The following MCPH1 variants were observed in gnomAD, a reference collection of about 807,000 sequenced individuals.
MCPH1 encodes microcephalin 1, also known as microcephalin.
A neutral mutation model predicts 84.5 loss-of-function variants in MCPH1; 104 were observed. The observed-to-expected ratio is 1.23, with a 90% CI of 1.05 to 1.45. The LOEUF (loss-of-function observed/expected upper bound fraction) is 1.45, where lower values mean the gene tolerates loss of function less well. Among genes scored for constraint, MCPH1 ranks in the 40% most tolerant of loss-of-function variants. The pLI, the probability that MCPH1 is intolerant of heterozygous loss-of-function variation, is 0.00. For missense variants in MCPH1, 1,498 were observed against 1,005.7 expected (o/e 1.49, Z -6.62); for synonymous variants, 514 against 366.8 (o/e 1.40, Z -4.58).
At chr8:6,568,141 C>T (rs1826355363) in intron 12 of MCPH1, among the ~76,000 whole-genome samples, 1 of 152,192 alleles carries the variant, frequency 6.6e-6, no homozygotes, top group South Asian at 2.1e-4. Flanking sequence ...ATCTCGTGGC[C>T]AGCCCTTTTG....
At chr8:6,549,693 C>A (rs1823273230) in intron 12 of MCPH1, among the ~76,000 whole-genome samples, 1 of 150,376 alleles carries the variant, frequency 6.6e-6, no homozygotes, top group African/African-American at 2.5e-5. Flanking sequence ...CCGTATCGAG[C>A]TGGGCGGTCA....
chr8:6,619,521 C>T (rs1024553577), intron 12 of MCPH1, among the ~76,000 whole-genome samples: 1 of 152,034 alleles, frequency 6.6e-6, no homozygotes, highest in Non-Finnish European at 1.5e-5. Flanking sequence ...GAACTCCTGA[C>T]CTCAAGTGAT....
intron 12 of MCPH1, among the ~76,000 whole-genome samples, chr8:6,611,889 A>G (rs1344706868): frequency 6.6e-6 from 1 of 152,174 alleles, no homozygotes; most frequent in African/African-American, 2.4e-5. Context: ...AAGTGCTGGG[A>G]TTACAGGCGT....
At chr8:6,413,399 T>C (rs2247108) in intron 2 of MCPH1, among the ~76,000 whole-genome samples, 146,697 of 150,490 alleles carry the variant, frequency 0.97, 71,617 homozygotes, top group East Asian at 1. Context: ...GTTCTTGTGC[T>C]GGGCCTTTGT....
chr8:6,640,097 T>TGTGTGTGC lies in MCPH1; in HGVS notation c.2453-2896_2453-2895insTGTGTGCG, dbSNP rs1242280817. Among the ~76,000 whole-genome samples, 331 of 131,454 alleles carry TGTGTGTGC rather than the reference T, an allele frequency of 2.5e-3. 8 individuals carry two copies. In the East Asian group the frequency reaches 0.037, roughly 15 times the overall value. 86.2% of individuals were successfully genotyped at this position (131,454 alleles called of 152,430 possible). On this transcript the variant is annotated intron_variant, in intron 13 of 13. Transcript: ENST00000344683. Reference sequence around the variant, plus strand: ...GTGTGTGTGTGTGTGTGTGTGTGTGTGCGCGCGCGTGTGTGTGTGTGTGCG... The same window carrying TGTGTGTGC: ...GTGTGTGTGTGTGTGTGTGTGTGTGTGTGTGTGCGCGCGCGCGTGTGTGTGTGTGTGCG...
At chr8:6,640,097 TGCGCGCGC>T (rs59378325) in intron 13 of MCPH1, among the ~76,000 whole-genome samples, 4 of 131,406 alleles carry the variant, frequency 3.0e-5, no homozygotes, top group Admixed American at 7.6e-5. Flanking sequence ...TGTGTGTGTG[TGCGCGCGC>T]GTGTGTGTGT....
chr8:6,446,959 G>A (rs1434269250), intron 8 of MCPH1: 9 of 985,272 alleles, frequency 9.1e-6, no homozygotes, highest in Non-Finnish European at 1.1e-5. Context: ...AAGGCACCCT[G>A]GTGGGGACGG....
chr8:6,442,699 C>G (rs1046690700), intron 7 of MCPH1, among the ~76,000 whole-genome samples: 1 of 152,200 alleles, frequency 6.6e-6, no homozygotes, highest in African/African-American at 2.4e-5. Flanking sequence ...TTTTCATGGT[C>G]ATATCTTCTT....
chr8:6,614,376 C>T (rs1320797168), intron 12 of MCPH1, among the ~76,000 whole-genome samples: 7 of 152,152 alleles, frequency 4.6e-5, no homozygotes, highest in South Asian at 2.1e-4. Context: ...GCCAGGCTGG[C>T]GCCTCCTCCC....
chr8:6,642,897 G>C (rs1798026443), intron 13 of MCPH1, 97 bp from the exon 14 acceptor site: 1 of 1,159,684 alleles, frequency 8.6e-7, no homozygotes, highest in Non-Finnish European at 1.3e-6. Flanking sequence ...TTGGCTATTT[G>C]TTTTTAAATA....
intron 13 of MCPH1, chr8:6,626,751 G>A (rs1279319038): frequency 1.0e-6 from 1 of 985,184 alleles, no homozygotes. Context: ...ACAAGCCCTT[G>A]GGTGGAGCTC....
chr8:6,601,685 A>G (rs1419537841), intron 12 of MCPH1, among the ~76,000 whole-genome samples: 1 of 143,470 alleles, frequency 7.0e-6, no homozygotes, highest in Non-Finnish European at 1.5e-5. Flanking sequence ...GCCACTACAC[A>G]CAGTGCATAC....
Position 6,521,032 on chromosome 8 carries a change from TCTTC to T in MCPH1, c.2214+21108_2214+21111del, listed in dbSNP as rs1020481302. On this transcript the variant is annotated intron_variant, in intron 12 of 13. Coordinates refer to ENST00000344683, the MANE Select transcript of MCPH1 (RefSeq NM_024596.5). Reference sequence around the variant, plus strand: ...GTATAACATATATTTCCCCTTCTCTTCTTCCTTCATTTTAATTGGTAGATATTTC... The same window carrying T: ...GTATAACATATATTTCCCCTTCTCTTCTTCATTTTAATTGGTAGATATTTC... 3 of 627,906 alleles carry T rather than the reference TCTTC, an allele frequency of 4.8e-6. No homozygotes were observed. The Admixed American group carries it at 9.2e-5, about 19-fold the overall frequency. The allele number at this position is 627,906 out of a possible 1,614,324, so 38.9% of individuals were successfully genotyped here. A position where few individuals can be genotyped will look rare whatever the true frequency, so the allele number is the denominator to read the frequency against.
intron 13 of MCPH1, chr8:6,626,175 G>A: frequency 1.0e-6 from 1 of 985,330 alleles, no homozygotes; most frequent in Non-Finnish European, 1.2e-6. Flanking sequence ...GTGACCCTCA[G>A]CTCGCCCGCC....
At chr8:6,422,874 G>C (rs945317810) in intron 3 of MCPH1, among the ~76,000 whole-genome samples, 4 of 151,956 alleles carry the variant, frequency 2.6e-5, no homozygotes, top group Non-Finnish European at 1.5e-5. Context: ...GGTTTTAGTA[G>C]AGACGGGGTT....
chr8:6,533,313 C>T (rs1409009435), intron 12 of MCPH1, among the ~76,000 whole-genome samples: 1 of 152,186 alleles, frequency 6.6e-6, no homozygotes, highest in African/African-American at 2.4e-5. Context: ...CTGTCTATGG[C>T]AGTAAAATTA....
intron 9 of MCPH1, among the ~76,000 whole-genome samples, chr8:6,465,725 GAGACTCATGTTAATA>G (rs1035464228): frequency 2.6e-5 from 4 of 152,190 alleles, no homozygotes; most frequent in African/African-American, 9.7e-5. Flanking sequence ...ACTGACATCA[GAGACTCATGTTAATA>G]AGTAACAAGC....
intron 12 of MCPH1, among the ~76,000 whole-genome samples, chr8:6,609,712 G>A (rs563298464): frequency 5.3e-5 from 8 of 152,092 alleles, no homozygotes; most frequent in African/African-American, 1.7e-4. Flanking sequence ...AGGATGTCCC[G>A]GGAGAGTGAG....
chr8:6,415,290 A>T (rs1243532134), intron 3 of MCPH1, among the ~76,000 whole-genome samples: 1 of 16,408 alleles, frequency 6.1e-5, no homozygotes, highest in Non-Finnish European at 1.6e-4. Flanking sequence ...CAGGGTTGGT[A>T]TCTTCTTTTT....
Sources: allele counts gnomAD v4.1 joint callset (sites outside exome capture counted in the v4.1 genomes callset), GRCh38; gene constraint gnomAD v4.1.1; transcripts MANE v1.5; gene names NCBI Gene and HGNC (gene_info 2026-07-23, HGNC 2026-07-21).